The following ANO3 variants were observed in gnomAD, a reference collection of about 807,000 sequenced individuals.
ANO3 encodes the protein anoctamin-3.
A neutral mutation model predicts 144.8 loss-of-function variants in ANO3; 99 were observed. The ratio of observed to expected loss-of-function variants is 0.68; its 90% CI spans 0.58 to 0.81. The LOEUF is 0.81. ANO3 is among the 30% of genes least tolerant of loss of function. The pLI, the probability that ANO3 is intolerant of heterozygous loss-of-function variation, is 0.00. For missense variants in ANO3, 905 were observed against 1,202.2 expected (o/e 0.75, Z 3.66); for synonymous variants, 414 against 392.6 (o/e 1.05, Z -0.64).
At chr11:26,508,402 T>G (rs1273664564) in intron 5 of ANO3, 140 bp downstream of exon 5, 2 of 652,664 alleles carry the variant, frequency 3.1e-6, no homozygotes, top group Non-Finnish European at 4.9e-6. Context: ...AATAAATACA[T>G]GCACATAGCC....
At chr11:26,594,814 C>T (rs1460495254) in intron 14 of ANO3, among the ~76,000 whole-genome samples, 3 of 152,128 alleles carry the variant, frequency 2.0e-5, no homozygotes, top group Non-Finnish European at 4.4e-5. Flanking sequence ...GCACATATGG[C>T]ACTTCACTCT....
chr11:26,264,610 C>A (rs1051611290), intron 1 of ANO3, among the ~76,000 whole-genome samples: 1 of 152,110 alleles, frequency 6.6e-6, no homozygotes, highest in Non-Finnish European at 1.5e-5. Flanking sequence ...GTACAACAGT[C>A]TGGGTAGCTT....
At chr11:26,616,654 GA>G (rs1358717362) in intron 17 of ANO3, among the ~76,000 whole-genome samples, 1 of 152,170 alleles carries the variant, frequency 6.6e-6, no homozygotes. Context: ...TCCACTTTAT[GA>G]AATAACTATA....
chr11:26,528,045 AT>A (rs1849209822), intron 7 of ANO3, among the ~76,000 whole-genome samples: 1 of 152,076 alleles, frequency 6.6e-6, no homozygotes, highest in Admixed American at 6.6e-5. Flanking sequence ...CTAAAGCTCT[AT>A]TTTTGCATTG....
At chr11:26,261,569 G>A (rs1049250388) in intron 1 of ANO3, among the ~76,000 whole-genome samples, 11 of 152,156 alleles carry the variant, frequency 7.2e-5, no homozygotes, top group African/African-American at 2.7e-4. Context: ...ACCCACCAGT[G>A]CTAGCAGCCT....
intron 1 of ANO3, among the ~76,000 whole-genome samples, chr11:26,416,628 T>C (rs1034810606): frequency 2.6e-5 from 4 of 151,972 alleles, no homozygotes; most frequent in Non-Finnish European, 4.4e-5. Context: ...GGTTTCACCA[T>C]GTTGGCCAGG....
intron 1 of ANO3, among the ~76,000 whole-genome samples, chr11:26,347,289 G>A (rs1855521330): frequency 6.6e-6 from 1 of 152,228 alleles, no homozygotes; most frequent in South Asian, 2.1e-4. Context: ...GCCTGCCACA[G>A]AGCTGGCAGC....
chr11:26,659,677 A>G (rs1853817648), intron 26 of ANO3, among the ~76,000 whole-genome samples: 1 of 152,184 alleles, frequency 6.6e-6, no homozygotes, highest in South Asian at 2.1e-4. Context: ...ATCCTGGGCA[A>G]AAGAATGAGA....
intron 22 of ANO3, 66 bp from the exon 23 acceptor site, chr11:26,643,116 T>A (rs1853223541): frequency 6.7e-7 from 1 of 1,493,514 alleles, no homozygotes; most frequent in Admixed American, 1.8e-5. Context: ...AAGCAATTTA[T>A]ATAAAGCACC....
At chr11:26,496,995 TACACACACAGAC>T (rs1860977736) in intron 4 of ANO3, among the ~76,000 whole-genome samples, 2 of 126,602 alleles carry the variant, frequency 1.6e-5, no homozygotes, top group African/African-American at 5.5e-5. Flanking sequence ...TATATATATA[TACACACACAGAC>T]ACACACACAT....
chr11:26,217,051 A>C (rs936254400), intron 1 of ANO3, among the ~76,000 whole-genome samples: 4 of 152,094 alleles, frequency 2.6e-5, no homozygotes, highest in African/African-American at 9.6e-5. Context: ...TTTTCAACAA[A>C]GAATTTTTAA....
intron 1 of ANO3, among the ~76,000 whole-genome samples, chr11:26,263,985 T>A (rs776433749): frequency 2.6e-5 from 4 of 152,226 alleles, no homozygotes; most frequent in Admixed American, 6.5e-5. Flanking sequence ...CACATTTAGT[T>A]CCATGTAATC....
At chr11:26,309,357 T>C (rs1854456013), upstream of ANO3, among the ~76,000 whole-genome samples, 3 of 152,148 alleles carry the variant, frequency 2.0e-5, no homozygotes, top group Admixed American at 2.0e-4. Context: ...TAGGAAAATG[T>C]AATTGGAAAA....
At chr11:26,648,474 T>C (rs570138280) in intron 24 of ANO3, among the ~76,000 whole-genome samples, 10 of 152,254 alleles carry the variant, frequency 6.6e-5, no homozygotes, top group African/African-American at 2.4e-4. Context: ...AGGGCTGTCT[T>C]GTACATTGCA....
At chr11:26,271,976 T>G (rs1454729235) in intron 1 of ANO3, among the ~76,000 whole-genome samples, 1 of 152,172 alleles carries the variant, frequency 6.6e-6, no homozygotes, top group Non-Finnish European at 1.5e-5. Flanking sequence ...GGTATTTATA[T>G]CTTTTAATCC....
chr11:26,283,301 C>A (rs1163019304), intron 1 of ANO3, among the ~76,000 whole-genome samples: 1 of 106,456 alleles, frequency 9.4e-6, no homozygotes, highest in African/African-American at 3.3e-5. Context: ...CCATATCTTA[C>A]CAAAATAAAC....
At chr11:26,331,331 A>G (rs1169216086), upstream of ANO3, 2 of 152,220 alleles carry the variant, frequency 1.3e-5, no homozygotes, top group East Asian at 3.9e-4. Flanking sequence ...CGAACTTAAA[A>G]TACATGGTGA....
chr11:26,658,605 C>T (rs941758498), intron 26 of ANO3, among the ~76,000 whole-genome samples: 3 of 151,500 alleles, frequency 2.0e-5, no homozygotes, highest in African/African-American at 4.8e-5. Context: ...AGTGAAACTC[C>T]GTCCAAAAAA....
intron 26 of ANO3, among the ~76,000 whole-genome samples, chr11:26,658,154 T>C (rs1393342870): frequency 8.6e-6 from 1 of 115,826 alleles, no homozygotes; most frequent in Non-Finnish European, 2.0e-5. Flanking sequence ...TCTAGTTTCA[T>C]TCTCGTGCAC....
Sources: allele counts gnomAD v4.1 joint callset (sites outside exome capture counted in the v4.1 genomes callset), GRCh38; gene constraint gnomAD v4.1.1; transcripts MANE v1.5; gene names NCBI Gene and HGNC (gene_info 2026-07-23, HGNC 2026-07-21).